The following SOX6 variants were observed in gnomAD, a reference collection of about 807,000 sequenced individuals.
The protein encoded by SOX6 is transcription factor SOX-6.
A neutral mutation model predicts 97.8 loss-of-function variants in SOX6; 11 were observed. That is an observed-to-expected ratio of 0.11 (90% CI 0.07 to 0.19). The LOEUF is 0.19. Among genes scored for constraint, SOX6 ranks in the 10% least tolerant of loss-of-function variants. SOX6 has a pLI of 1.00. For synonymous variants in SOX6, 360 were observed against 371.4 expected (o/e 0.97, Z 0.35); for missense variants, 810 against 1,039.5 (o/e 0.78, Z 3.04).
At chr11:16,471,334 C>T (rs1323496524) in intron 1 of SOX6, among the ~76,000 whole-genome samples, 2 of 152,090 alleles carry the variant, frequency 1.3e-5, no homozygotes, top group Non-Finnish European at 2.9e-5. Flanking sequence ...CAGTGTTTTC[C>T]TCTTCCGGCC....
intron 3 of SOX6, among the ~76,000 whole-genome samples, chr11:16,292,247 G>T (rs1476084853): frequency 1.3e-5 from 2 of 152,080 alleles, no homozygotes; most frequent in Non-Finnish European, 2.9e-5. Context: ...GACATCAAAA[G>T]AAATTGCCAC....
intron 2 of SOX6, among the ~76,000 whole-genome samples, chr11:16,339,574 C>G (rs1856563826): frequency 6.6e-6 from 1 of 151,954 alleles, no homozygotes; most frequent in African/African-American, 2.4e-5. Flanking sequence ...GCATTCTGTT[C>G]TTTCTCCTCA....
chr11:16,069,551 T>A (rs1848175333), intron 9 of SOX6, among the ~76,000 whole-genome samples: 1 of 152,236 alleles, frequency 6.6e-6, no homozygotes, highest in Admixed American at 6.5e-5. Context: ...TTGTAGAATT[T>A]TATTTTAATA....
At position 16,451,051 on chromosome 11, in the gene SOX6, C is replaced by A. The variant is rs550433943; in HGVS notation, c.-5+25264G>T. 1.9e-4 allele frequency among the ~76,000 whole-genome samples: 29 copies of A among 151,948 alleles called. No individual in the cohort carries two copies. In the South Asian group the frequency reaches 5.8e-3, roughly 31 times the overall value. Reference sequence around the variant, plus strand: ...CAGTTGACCAGCGTGGGCAACATGGCGAAACACTGTCTCTACAAAAAAATA... The same window carrying A: ...CAGTTGACCAGCGTGGGCAACATGGAGAAACACTGTCTCTACAAAAAAATA... On this transcript the variant is annotated intron_variant, in intron 1 of 15. Transcript: ENST00000396356.
chr11:16,720,779 G>C (rs1848255107), intron 2 of SOX6, among the ~76,000 whole-genome samples: 1 of 151,952 alleles, frequency 6.6e-6, no homozygotes, highest in South Asian at 2.1e-4. Context: ...TAAAGTATGA[G>C]TAATTTTTAT....
intron 4 of SOX6, among the ~76,000 whole-genome samples, chr11:16,230,107 G>C (rs1852804643): frequency 6.6e-6 from 1 of 151,684 alleles, no homozygotes; most frequent in Non-Finnish European, 1.5e-5. Context: ...GATATTCCAT[G>C]AAATAAAATG....
At chr11:16,686,984 G>A (rs1360633530) in intron 3 of SOX6, among the ~76,000 whole-genome samples, 2 of 151,972 alleles carry the variant, frequency 1.3e-5, no homozygotes, top group Non-Finnish European at 2.9e-5. Context: ...AATTAGCCAG[G>A]CGTGGTGGCA....
rs1028218552 is a variant in SOX6, at chr11:16,348,419, T to C, written c.-4-7167A>G. 4.6e-5 allele frequency among the ~76,000 whole-genome samples: 7 copies of C among 152,052 alleles called. No individual in the cohort carries two copies. The East Asian group carries it at 1.2e-3, about 25-fold the overall frequency. Reference sequence around the variant, plus strand: ...ACCATGAAGAAAACAAAATATCAAATCTAAATTTTTCAACAGAGGAAACAC... The same window carrying C: ...ACCATGAAGAAAACAAAATATCAAACCTAAATTTTTCAACAGAGGAAACAC... On this transcript the variant is annotated intron_variant, in intron 1 of 15. Coordinates refer to ENST00000683767, the MANE Select transcript of SOX6 (RefSeq NM_001367873.1).
chr11:16,538,479 T>TA (rs1033267805), intron 4 of SOX6, among the ~76,000 whole-genome samples: 4 of 152,102 alleles, frequency 2.6e-5, no homozygotes, highest in African/African-American at 9.7e-5. Flanking sequence ...ATAACAATAT[T>TA]AACCTTAAAT....
Position 16,577,224 on chromosome 11 carries a change from C to G in SOX6, n.609+34857G>C, listed in dbSNP as rs555536544. 16 of 152,244 alleles carry G rather than the reference C, an allele frequency of 1.1e-4. No individual in the cohort carries two copies. In the East Asian group the frequency reaches 2.9e-3, roughly 28 times the overall value. The allele number at this position is 152,244 out of a possible 1,614,324, so 9.4% of individuals were successfully genotyped here. Reference sequence around the variant, plus strand: ...AATTCCATGTTCAAATGTACACACACAAATGTACATTATTTCATTTATTAA... The same window carrying G: ...AATTCCATGTTCAAATGTACACACAGAAATGTACATTATTTCATTTATTAA... On this transcript the variant is annotated intron_variant and non_coding_transcript_variant, in intron 4 of 5. Transcript: ENST00000524520.
intron 3 of SOX6, among the ~76,000 whole-genome samples, chr11:16,680,841 A>G (rs1373054619): frequency 2.6e-5 from 4 of 152,184 alleles, no homozygotes. Flanking sequence ...TTAAACCAAC[A>G]AAGATCAAAA....
At chr11:16,481,607 G>A (rs1860344672) in intron 4 of SOX6, among the ~76,000 whole-genome samples, 2 of 152,010 alleles carry the variant, frequency 1.3e-5, no homozygotes, top group South Asian at 4.1e-4. Flanking sequence ...TTTTGGTATT[G>A]AGGGCCACAC....
chr11:16,544,507 A>G (rs187750940), intron 4 of SOX6, among the ~76,000 whole-genome samples: 9 of 152,158 alleles, frequency 5.9e-5, no homozygotes, highest in African/African-American at 1.9e-4. Flanking sequence ...GAATCCTTTC[A>G]CCTCAGCCTC....
intron 4 of SOX6, among the ~76,000 whole-genome samples, chr11:16,606,519 C>T (rs1301183741): frequency 6.6e-6 from 1 of 152,184 alleles, no homozygotes; most frequent in Non-Finnish European, 1.5e-5. Context: ...CACACTTGAG[C>T]GAACTTCAAT....
chr11:16,341,419 T>C (rs1479897046), intron 1 of SOX6, 167 bp from the exon 2 acceptor site: 1 of 960,906 alleles, frequency 1.0e-6, no homozygotes, highest in Non-Finnish European at 1.5e-6. Context: ...GTGTCCTTCT[T>C]TCCCTCTTTG....
chr11:16,507,013 A>G (rs1860798725), intron 4 of SOX6, among the ~76,000 whole-genome samples: 1 of 152,160 alleles, frequency 6.6e-6, no homozygotes, highest in African/African-American at 2.4e-5. Flanking sequence ...GCAATGAGCC[A>G]AGATCATACC....
At chr11:16,583,622 T>TATATATATATATATATAC (rs1848058411) in intron 4 of SOX6, among the ~76,000 whole-genome samples, 2 of 116,580 alleles carry the variant, frequency 1.7e-5, no homozygotes, top group Non-Finnish European at 2.0e-5. Context: ...TACATATATA[T>TATATATATATATATATAC]ATATATATAT....
At chr11:16,568,153 G>A (rs1316764346) in intron 4 of SOX6, among the ~76,000 whole-genome samples, 2 of 151,984 alleles carry the variant, frequency 1.3e-5, no homozygotes, top group African/African-American at 4.8e-5. Context: ...TTCTTGTATA[G>A]GCTTGGGTCC....
At chr11:16,425,998 TGTAATCCCA>T (rs2133069781) in intron 1 of SOX6, among the ~76,000 whole-genome samples, 1 of 151,656 alleles carries the variant, frequency 6.6e-6, no homozygotes, top group South Asian at 2.1e-4. Flanking sequence ...GGCTCTCACC[TGTAATCCCA>T]GCACTTTGGG....
Sources: gnomAD v4.1 joint callset for allele counts (sites outside exome capture counted in the v4.1 genomes callset) on GRCh38, gnomAD v4.1.1 for gene constraint, MANE v1.5 for transcripts, NCBI Gene and HGNC (gene_info 2026-07-23, HGNC 2026-07-21) for gene names.